The following GLIS3 variants were observed in gnomAD, a reference collection of about 807,000 sequenced individuals.
GLIS3 encodes the protein zinc finger protein GLIS3.
A neutral mutation model predicts 78.6 loss-of-function variants in GLIS3; 53 were observed. That is an observed-to-expected ratio of 0.67 (90% confidence interval 0.54 to 0.85). The LOEUF is 0.85. Ranked by LOEUF, GLIS3 falls within the 40% of genes least tolerant of loss-of-function variation. The pLI is 0.00. For synonymous variants in GLIS3, 684 were observed against 509.9 expected, an observed-to-expected ratio of 1.34 and a Z score of -4.60; for missense variants, 1,703 against 1,231.1, an observed-to-expected ratio of 1.38 and a Z score of -5.74.
intron 1 of GLIS3, among the ~76,000 whole-genome samples, chr9:4,288,829 T>C (rs935268014): frequency 8.6e-5 from 13 of 151,976 alleles, no homozygotes; most frequent in African/African-American, 2.4e-4. Flanking sequence ...AAAAAACCAA[T>C]AGGCCAATGG....
At chr9:4,170,250 A>G (rs1300277317) in intron 2 of GLIS3, among the ~76,000 whole-genome samples, 1 of 152,236 alleles carries the variant, frequency 6.6e-6, no homozygotes, top group East Asian at 1.9e-4. Context: ...AATTAACAAT[A>G]AAATTAGAGA....
At chr9:4,353,301 C>CT (rs754733697), upstream of GLIS3, among the ~76,000 whole-genome samples, 7 of 152,272 alleles carry the variant, frequency 4.6e-5, no homozygotes, top group Non-Finnish European at 1.0e-4. Context: ...ACTCCACTGT[C>CT]TTTTTTGTGC....
the GLIS3 span, among the ~76,000 whole-genome samples, chr9:4,379,205 C>G: frequency 6.6e-6 from 1 of 152,150 alleles, no homozygotes; most frequent in Non-Finnish European, 1.5e-5. Flanking sequence ...CCTGTCACCA[C>G]TGCACTCTCT....
chr9:4,401,894 C>T, the GLIS3 span, among the ~76,000 whole-genome samples: 1 of 152,086 alleles, frequency 6.6e-6, no homozygotes, highest in Non-Finnish European at 1.5e-5. Flanking sequence ...CAGGGAGAGG[C>T]CCCTCTGCCT....
At chr9:4,244,990 A>G (rs1823666253) in intron 2 of GLIS3, among the ~76,000 whole-genome samples, 1 of 152,234 alleles carries the variant, frequency 6.6e-6, no homozygotes, top group Non-Finnish European at 1.5e-5. Flanking sequence ...TTATCCAAGA[A>G]AAAATGATTG....
chr9:3,918,155 G>A (rs548955434), intron 6 of GLIS3, among the ~76,000 whole-genome samples: 3 of 152,222 alleles, frequency 2.0e-5, no homozygotes, highest in African/African-American at 2.4e-5. Flanking sequence ...CTCTTTCCTG[G>A]TTTCAGTCTT....
the GLIS3 span, among the ~76,000 whole-genome samples, chr9:4,432,608 T>G: frequency 2.6e-5 from 4 of 152,068 alleles, no homozygotes; most frequent in Admixed American, 2.0e-4. Flanking sequence ...AAATTCATTG[T>G]TTGAAAAACA....
chr9:3,932,309 G>T, intron 6 of GLIS3, 51 bp downstream of exon 6: 1 of 1,399,722 alleles, frequency 7.1e-7, no homozygotes, highest in South Asian at 1.2e-5. Context: ...TGTACTACAA[G>T]AATAATCTGA....
chr9:4,331,492 C>T (rs1009394049), intron 2 of GLIS3, among the ~76,000 whole-genome samples: 4 of 152,170 alleles, frequency 2.6e-5, no homozygotes, highest in Non-Finnish European at 5.9e-5. Context: ...ACTCAACTTC[C>T]CTTTCTCTCC....
At chr9:4,091,022 T>G (rs1397846790) in intron 4 of GLIS3, among the ~76,000 whole-genome samples, 1 of 152,148 alleles carries the variant, frequency 6.6e-6, no homozygotes, top group Non-Finnish European at 1.5e-5. Context: ...AGGGGGATGA[T>G]GATATCCATT....
chr9:3,943,695 C>T (rs561675851), intron 4 of GLIS3, among the ~76,000 whole-genome samples: 1 of 152,240 alleles, frequency 6.6e-6, no homozygotes, highest in South Asian at 2.1e-4. Context: ...TCAAAGTTTC[C>T]CCGACCCTGG....
At chr9:4,210,277 T>A (rs1002659956) in intron 2 of GLIS3, among the ~76,000 whole-genome samples, 5 of 152,232 alleles carry the variant, frequency 3.3e-5, no homozygotes, top group African/African-American at 9.6e-5. Flanking sequence ...GGTTAATCAT[T>A]CCATCTTTGA....
the GLIS3 span, among the ~76,000 whole-genome samples, chr9:4,444,062 ACCATGGT>A: frequency 6.6e-6 from 1 of 152,184 alleles, no homozygotes; most frequent in Non-Finnish European, 1.5e-5. Flanking sequence ...AAGGAGTGGG[ACCATGGT>A]CAAGAGAAGA....
chr9:4,415,647 G>C, the GLIS3 span, among the ~76,000 whole-genome samples: 3 of 152,164 alleles, frequency 2.0e-5, no homozygotes, highest in African/African-American at 7.2e-5. Flanking sequence ...CTAAGAAACA[G>C]TGCAAATGTG....
the GLIS3 span, among the ~76,000 whole-genome samples, chr9:4,394,043 G>C: frequency 1.3e-5 from 2 of 151,698 alleles, no homozygotes; most frequent in African/African-American, 4.8e-5. Context: ...GCTGAACCCA[G>C]TTCCATTAAA....
intron 2 of GLIS3, among the ~76,000 whole-genome samples, chr9:4,334,941 C>T (rs1197483701): frequency 8.5e-6 from 1 of 117,126 alleles, no homozygotes; most frequent in Admixed American, 1.1e-4. Flanking sequence ...CGGAGTCTTG[C>T]TCTGTCACCC....
chr9:4,381,564 C>A, the GLIS3 span, among the ~76,000 whole-genome samples: 4 of 152,214 alleles, frequency 2.6e-5, no homozygotes, highest in African/African-American at 9.6e-5. Flanking sequence ...ATGAACACAG[C>A]ACTCACGCAC....
intron 4 of GLIS3, among the ~76,000 whole-genome samples, chr9:4,117,336 C>A (rs1831732210): frequency 6.6e-6 from 1 of 152,128 alleles, no homozygotes; most frequent in South Asian, 2.1e-4. Flanking sequence ...AATATCAAAA[C>A]CACTCTTCTC....
intron 4 of GLIS3, among the ~76,000 whole-genome samples, chr9:3,993,993 T>C (rs1820536838): frequency 6.6e-6 from 1 of 152,182 alleles, no homozygotes; most frequent in Non-Finnish European, 1.5e-5. Flanking sequence ...CGCATCAGAG[T>C]CATCCAGAGA....
Sources: gnomAD v4.1 joint callset for allele counts (sites outside exome capture counted in the v4.1 genomes callset) on GRCh38, gnomAD v4.1.1 for gene constraint, MANE v1.5 for transcripts, NCBI Gene and HGNC (gene_info 2026-07-23, HGNC 2026-07-21) for gene names.